MTHFD2L: variants seen among roughly 807,000 people sequenced by gnomAD.
MTHFD2L encodes the protein methylenetetrahydrofolate dehydrogenase (NADP+ dependent) 2 like, also known as bifunctional methylenetetrahydrofolate dehydrogenase/cyclohydrolase 2, mitochondrial.
In MTHFD2L, 29 loss-of-function variants were observed where a neutral mutation model predicts 34.9. The ratio of observed to expected loss-of-function variants is 0.83; its 90% confidence interval spans 0.62 to 1.13. The LOEUF (loss-of-function observed/expected upper bound fraction) is 1.13, where lower values mean the gene tolerates loss of function less well. Among genes scored for constraint, MTHFD2L ranks in the 50% most tolerant of loss-of-function variants. MTHFD2L has a pLI of 0.00. For synonymous variants in MTHFD2L, 167 were observed against 155.7 expected (o/e 1.07, Z -0.54); for missense variants, 481 against 446.5 (o/e 1.08, Z -0.70).
At chr4:74,238,856 G>A (rs1292627617) in intron 6 of MTHFD2L, among the ~76,000 whole-genome samples, 1 of 152,234 alleles carries the variant, frequency 6.6e-6, no homozygotes, top group Non-Finnish European at 1.5e-5. Flanking sequence ...TGGAGAGGAT[G>A]TGGAGAAATA....
At chr4:74,259,336 G>T (rs919897152) in intron 6 of MTHFD2L, among the ~76,000 whole-genome samples, 2 of 152,148 alleles carry the variant, frequency 1.3e-5, no homozygotes, top group Non-Finnish European at 2.9e-5. Flanking sequence ...ATCATGTTGG[G>T]TCTAATTCAT....
chr4:74,267,671 G>A (rs749564203), intron 6 of MTHFD2L: 104 of 975,036 alleles, frequency 1.1e-4, no homozygotes, highest in Non-Finnish European at 1.2e-4. Flanking sequence ...CTGGGCTCTG[G>A]CGATCCTCCC....
intron 5 of MTHFD2L, among the ~76,000 whole-genome samples, chr4:74,202,726 T>A (rs1476047671): frequency 1.3e-5 from 2 of 152,224 alleles, no homozygotes; most frequent in Admixed American, 1.3e-4. Flanking sequence ...CATTTATTAC[T>A]TCTAATCTTT....
At chr4:74,180,083 T>G (rs1276781461) in intron 3 of MTHFD2L, among the ~76,000 whole-genome samples, 1 of 152,138 alleles carries the variant, frequency 6.6e-6, no homozygotes, top group African/African-American at 2.4e-5. Flanking sequence ...TTTACCTATG[T>G]TATAGAATTT....
In MTHFD2L at chr4:74,158,142, A is replaced by T; in HGVS notation, c.4A>T (p.Thr2Ser). 3 of 1,531,480 alleles carry T rather than the reference A, an allele frequency of 2.0e-6. No individual in the cohort carries two copies. 94.9% of individuals were successfully genotyped at this position (1,531,480 alleles called of 1,614,324 possible). A position where few individuals can be genotyped will look rare whatever the true frequency, so the allele number is the denominator to read the frequency against. Reference sequence around the variant, plus strand: ...CGGAAGCCGGGGATCCGCGGCCATGACGGTGCCGGTCCGCGGCTTCTCGCT... The same window carrying T: ...CGGAAGCCGGGGATCCGCGGCCATGTCGGTGCCGGTCCGCGGCTTCTCGCT... M[T>S]VPVRGFSLLR... Residue 2 changes from threonine (T) to serine (S), a missense_variant, in exon 1 of 8, where the codon ACG (threonine) becomes TCG (serine). Physicochemically the swap from Thr to Ser is moderately conservative, Grantham distance 58. Transcript: ENST00000325278.
chr4:74,242,955 A>G (rs2110174814), intron 6 of MTHFD2L, among the ~76,000 whole-genome samples: 1 of 152,376 alleles, frequency 6.6e-6, no homozygotes, highest in South Asian at 2.1e-4. Flanking sequence ...AACATTTCAC[A>G]TTCATATTTT....
intron 2 of MTHFD2L, 55 bp from the exon 3 acceptor site, chr4:74,175,226 A>G (rs1728795215): frequency 6.3e-7 from 1 of 1,577,556 alleles, no homozygotes. Context: ...GACACTATTG[A>G]TGAAAAACCA....
intron 5 of MTHFD2L, among the ~76,000 whole-genome samples, chr4:74,202,543 G>A (rs1488279017): frequency 2.0e-5 from 3 of 152,178 alleles, no homozygotes; most frequent in African/African-American, 4.8e-5. Context: ...GGCATTGTTC[G>A]TGGTTGTCTG....
chr4:74,160,335 G>T, intron 1 of MTHFD2L: 5 of 192,668 alleles, frequency 2.6e-5, no homozygotes, highest in South Asian at 2.4e-4. Context: ...AGCTGTGTAG[G>T]GCCTTAATTG....
chr4:74,264,707 A>G (rs192900102), intron 6 of MTHFD2L, among the ~76,000 whole-genome samples: 2 of 152,070 alleles, frequency 1.3e-5, no homozygotes, highest in South Asian at 2.1e-4. Flanking sequence ...ACTTAAAAAA[A>G]AAGACTTGAG....
intron 7 of MTHFD2L, among the ~76,000 whole-genome samples, chr4:74,285,870 C>T (rs555262898): frequency 6.6e-6 from 1 of 152,212 alleles, no homozygotes; most frequent in South Asian, 2.1e-4. Context: ...ATAATCACTT[C>T]TACATGATTA....
At chr4:74,145,132 A>G (rs1344782532) in intron 1 of MTHFD2L, among the ~76,000 whole-genome samples, 1 of 152,064 alleles carries the variant, frequency 6.6e-6, no homozygotes, top group Non-Finnish European at 1.5e-5. Context: ...TAAAAGACTG[A>G]TAAACTAGAC....
intron 1 of MTHFD2L, among the ~76,000 whole-genome samples, chr4:74,167,131 A>G (rs1726889148): frequency 6.6e-6 from 1 of 152,176 alleles, no homozygotes; most frequent in Admixed American, 6.5e-5. Flanking sequence ...ACCCCAGTGG[A>G]CCCATGCACC....
At chr4:74,179,465 T>C (rs753200566) in intron 3 of MTHFD2L, among the ~76,000 whole-genome samples, 11 of 152,106 alleles carry the variant, frequency 7.2e-5, no homozygotes, top group Admixed American at 2.0e-4. Context: ...AAATATACTA[T>C]TCCTTTCAAA....
At chr4:74,130,871 A>T (rs750961777) in intron 1 of MTHFD2L, among the ~76,000 whole-genome samples, 10 of 152,186 alleles carry the variant, frequency 6.6e-5, no homozygotes, top group Non-Finnish European at 8.8e-5. Flanking sequence ...CTTAAGCTTT[A>T]TCAGCAACTT....
At chr4:74,282,171 C>A (rs115663791) in intron 7 of MTHFD2L, among the ~76,000 whole-genome samples, 1 of 151,886 alleles carries the variant, frequency 6.6e-6, no homozygotes, top group Non-Finnish European at 1.5e-5. Context: ...GAAACTGGGC[C>A]CCAGTACTTC....
At chr4:74,168,811 T>C (rs2109932048) in intron 1 of MTHFD2L, among the ~76,000 whole-genome samples, 1 of 152,312 alleles carries the variant, frequency 6.6e-6, no homozygotes, top group African/African-American at 2.4e-5. Context: ...TTTTAGGAGA[T>C]GTATTATTCA....
chr4:74,283,422 T>C (rs1747746810), intron 7 of MTHFD2L, among the ~76,000 whole-genome samples: 1 of 152,124 alleles, frequency 6.6e-6, no homozygotes, highest in African/African-American at 2.4e-5. Flanking sequence ...TTAAATCAAA[T>C]TGTAGTTCTG....
intron 1 of MTHFD2L, among the ~76,000 whole-genome samples, chr4:74,128,678 G>T (rs567412107): frequency 8.5e-5 from 13 of 152,116 alleles, no homozygotes; most frequent in Middle Eastern, 3.4e-3. Flanking sequence ...TTTTTACTCA[G>T]GATTGCTTTG....
Sources: allele counts gnomAD v4.1 joint callset (sites outside exome capture counted in the v4.1 genomes callset), GRCh38; gene constraint gnomAD v4.1.1; transcripts MANE v1.5; gene names NCBI Gene and HGNC (gene_info 2026-07-23, HGNC 2026-07-21).